CAMSAP2: variants seen among roughly 807,000 people sequenced by gnomAD.
CAMSAP2 encodes the protein calmodulin-regulated spectrin-associated protein 2.
CAMSAP2 carries 26 observed loss-of-function variants against 146.1 expected under a neutral mutation model. That is an observed-to-expected ratio of 0.18 (90% CI 0.13 to 0.25). The LOEUF is 0.25. Among genes scored for constraint, CAMSAP2 ranks in the 10% least tolerant of loss-of-function variants. The pLI is 1.00. For synonymous variants in CAMSAP2, 499 were observed against 596.6 expected, an observed-to-expected ratio of 0.84 and a Z score of 2.38; for missense variants, 1,381 against 1,759.3, an observed-to-expected ratio of 0.78 and a Z score of 3.85.
intron 1 of CAMSAP2, among the ~76,000 whole-genome samples, chr1:200,745,416 AAATT>A (rs762488642): frequency 2.3e-4 from 35 of 152,302 alleles, no homozygotes; most frequent in African/African-American, 8.2e-4. Context: ...GTTGAAGTAC[AAATT>A]AATTATAAGA....
At chr1:200,828,877 G>A (rs1426673321) in intron 4 of CAMSAP2, among the ~76,000 whole-genome samples, 1 of 152,008 alleles carries the variant, frequency 6.6e-6, no homozygotes, top group African/African-American at 2.4e-5. Flanking sequence ...AAACTTATGG[G>A]CCAGGTGCGG....
At position 200,739,991 on chromosome 1, in the gene CAMSAP2, C is replaced by G. The variant is rs558239797; in HGVS notation, c.139+25C>G. On this transcript the variant is annotated intron_variant, in intron 1 of 16. Transcript: ENST00000358823. This position sits in a 1 kb window ranked among gnomAD's most constrained non-coding sequence, Gnocchi z 4.8. Reference sequence around the variant, plus strand: ...GGTTAGTGGTGTCACCCTTTCCCTCCCCTCTTCCTCCTGATGTGGTCCACA... The same window carrying G: ...GGTTAGTGGTGTCACCCTTTCCCTCGCCTCTTCCTCCTGATGTGGTCCACA... 2.2e-5 allele frequency: 36 copies of G among 1,611,874 alleles called. No homozygotes were observed. The highest frequency in any genetic ancestry group is 3.3e-5 in the Admixed American group (2 of 59,856).
rs1232336284 is a variant in CAMSAP2 at position 200,739,282 on chromosome 1, C to T, written c.-546C>T. 2.6e-5 allele frequency among the ~76,000 whole-genome samples: 4 copies of T among 152,266 alleles called. No homozygotes were observed. In the South Asian group the frequency reaches 6.2e-4, roughly 24 times the overall value. Reference sequence around the variant, plus strand: ...TGGGCCAGCTCGCCCCGCGCTTCCCCCTCGTCCTGCTCGTCCCTCCGCCCA... The same window carrying T: ...TGGGCCAGCTCGCCCCGCGCTTCCCTCTCGTCCTGCTCGTCCCTCCGCCCA... On this transcript the variant is annotated 5_prime_UTR_variant, in exon 1 of 17. Coordinates refer to ENST00000358823, the MANE Select transcript of CAMSAP2 (RefSeq NM_203459.4). The surrounding 1 kb of genome is among the most constrained non-coding windows in gnomAD (Gnocchi z 4.8).
At chr1:200,780,525 C>A (rs1186023352) in intron 2 of CAMSAP2, among the ~76,000 whole-genome samples, 1 of 152,184 alleles carries the variant, frequency 6.6e-6, no homozygotes, top group Non-Finnish European at 1.5e-5. Flanking sequence ...CCCACCAGAT[C>A]TACAATTCCT....
rs1326719237 is a variant in CAMSAP2 at position 200,739,198 on chromosome 1, G to C, written c.-630G>C. On this transcript the variant is annotated 5_prime_UTR_variant, in exon 1 of 17. Transcript: ENST00000358823. The surrounding 1 kb of genome is among the most constrained non-coding windows in gnomAD (Gnocchi z 4.8). ...GGCCGGCGGCGGCCTGTGAGCCGCA[G>C]TGATTTTGACGTTTTCCGCTGCTGC... 1.3e-5 allele frequency among the ~76,000 whole-genome samples: 2 copies of C among 151,988 alleles called. No homozygotes were observed. The highest frequency in any genetic ancestry group is 2.9e-5 in the Non-Finnish European group (2 of 67,978).
chr1:200,795,685 T>G (rs1665867123), intron 2 of CAMSAP2, among the ~76,000 whole-genome samples: 1 of 152,194 alleles, frequency 6.6e-6, no homozygotes, highest in Non-Finnish European at 1.5e-5. Context: ...AAGCTTAATA[T>G]CAGCTTGTTT....
At chr1:200,747,590 C>T (rs886220467) in intron 1 of CAMSAP2, among the ~76,000 whole-genome samples, 4 of 149,994 alleles carry the variant, frequency 2.7e-5, no homozygotes, top group Admixed American at 1.3e-4. Flanking sequence ...CTGAAAAAGT[C>T]CTCAAGTGGG....
intron 2 of CAMSAP2, among the ~76,000 whole-genome samples, chr1:200,795,125 A>T (rs1182595116): frequency 2.6e-5 from 4 of 152,214 alleles, no homozygotes; most frequent in African/African-American, 9.6e-5. Context: ...TATAGGATTT[A>T]TGTGGGGAAG....
chr1:200,778,894 A>C (rs965917872), intron 2 of CAMSAP2, among the ~76,000 whole-genome samples: 1 of 152,234 alleles, frequency 6.6e-6, no homozygotes, highest in African/African-American at 2.4e-5. Flanking sequence ...GATAAAATCC[A>C]AAGAATAGCT....
At chr1:200,817,191 T>A (rs61827526) in intron 4 of CAMSAP2, among the ~76,000 whole-genome samples, 37,202 of 133,122 alleles carry the variant, frequency 0.28, 6,362 homozygotes, top group Middle Eastern at 0.41. Context: ...CACACACACA[T>A]GTGTGTGTGT....
In CAMSAP2 at chr1:200,853,218, C is replaced by T; in HGVS notation, c.3603-57C>T. On this transcript the variant is annotated intron_variant, in intron 12 of 16. Transcript: ENST00000358823. The surrounding 1 kb of genome is among the most constrained non-coding windows in gnomAD (Gnocchi z 5.1). ...TCTCATATCAAATACATAACTCTCTCCTGTATGGTTTGTCTTTGGTATGCA... is the reference window on the plus strand; with the variant it reads ...TCTCATATCAAATACATAACTCTCTTCTGTATGGTTTGTCTTTGGTATGCA... 2.1e-6 allele frequency: 3 copies of T among 1,419,892 alleles called. No individual in the cohort carries two copies. Among genetic ancestry groups the T allele is most frequent in the Non-Finnish European group, 3.0e-6 (3 of 1,011,880 alleles). The allele number at this position is 1,419,892 out of a possible 1,614,324, so 88.0% of individuals were successfully genotyped here.
In CAMSAP2 at chr1:200,850,166, T is replaced by C. The variant is rs144044558; in HGVS notation, c.3397T>C (p.Tyr1133His). 54 of 1,604,922 alleles carry C rather than the reference T, an allele frequency of 3.4e-5. No homozygotes were observed. Among genetic ancestry groups the C allele is most frequent in the Non-Finnish European group, 4.4e-5 (52 of 1,177,868 alleles). The change falls in exon 11 of 17, where the codon TAT (tyrosine) becomes CAT (histidine). Residue 1133 changes from tyrosine to histidine, a missense_variant. Tyr to His is a moderately conservative substitution (Grantham distance 83). This residue lies in a region of CAMSAP2 where 560 missense variants were observed against 715.9 expected (regional missense o/e 0.78). Transcript: ENST00000358823. The part of the protein sequence containing the change: ...PEKADVPVEK[Y>H]DGESDKEQFD... ...AAAGGCTGATGTACCTGTTGAAAAA[T>C]ATGATGGAGAAAGTGATAAAGAACA...
chr1:200,759,395 C>T (rs775056682), intron 1 of CAMSAP2, among the ~76,000 whole-genome samples: 1 of 151,592 alleles, frequency 6.6e-6, no homozygotes, highest in African/African-American at 2.4e-5. Flanking sequence ...TCTACTGTCT[C>T]AACCTCCCAA....
At chr1:200,784,413 A>G (rs183753492) in intron 2 of CAMSAP2, among the ~76,000 whole-genome samples, 8 of 152,270 alleles carry the variant, frequency 5.3e-5, no homozygotes, top group Admixed American at 1.3e-4. Context: ...CAGTGAAAAC[A>G]TGGTTTCTCT....
At chr1:200,760,086 C>T (rs1299371740) in intron 1 of CAMSAP2, among the ~76,000 whole-genome samples, 3 of 152,014 alleles carry the variant, frequency 2.0e-5, no homozygotes, top group East Asian at 1.9e-4. Context: ...AGAGAAACTT[C>T]GGAGGAGATT....
chr1:200,856,200 T>G, intron 15 of CAMSAP2, 75 bp downstream of exon 15: 1 of 1,042,244 alleles, frequency 9.6e-7, no homozygotes, highest in Non-Finnish European at 1.5e-6. Context: ...TAAAGAAAAT[T>G]TTATTGGCTC....
In CAMSAP2 at chr1:200,796,969, A is replaced by G. The variant is rs912321595; in HGVS notation, c.400-10407A>G. Among the ~76,000 whole-genome samples the G allele has an allele frequency of 7.2e-5, 11 of 151,946 alleles. No individual in the cohort carries two copies. In the South Asian group the frequency reaches 1.0e-3, roughly 14 times the overall value. ...AGTTTACTGAGAATGATGATTTCCA[A>G]TTTCTTCCATGTCCCTACAAAGGAC... is the stretch of plus-strand genomic sequence containing the variant. On this transcript the variant is annotated intron_variant, in intron 2 of 16. Transcript: ENST00000358823.
chr1:200,781,577 T>G (rs182157653), intron 2 of CAMSAP2, among the ~76,000 whole-genome samples: 120 of 152,298 alleles, frequency 7.9e-4, no homozygotes, highest in African/African-American at 2.7e-3. Context: ...GGTCTCCCTC[T>G]GTTGCTCAGC....
At chr1:200,763,416 G>A (rs1192056879) in intron 2 of CAMSAP2, among the ~76,000 whole-genome samples, 1 of 152,064 alleles carries the variant, frequency 6.6e-6, no homozygotes, top group East Asian at 1.9e-4. Context: ...GTGCGCGCCT[G>A]TAGTCCCAGT....
Sources: gnomAD v4.1 joint callset for allele counts (sites outside exome capture counted in the v4.1 genomes callset) on GRCh38, gnomAD v4.1.1 for gene constraint, gnomAD v4.1.1 regional missense constraint, Gnocchi (gnomAD v3.1) non-coding constraint, MANE v1.5 for transcripts, NCBI Gene and HGNC (gene_info 2026-07-23, HGNC 2026-07-21) for gene names.